GRIN2B: variants seen among roughly 807,000 people sequenced by gnomAD.
GRIN2B encodes glutamate receptor ionotropic, NMDA 2B.
Under a neutral mutation model 114.5 loss-of-function variants are expected in GRIN2B, and 5 were observed. The observed-to-expected ratio is 0.04, with a 90% CI of 0.02 to 0.09. The LOEUF is 0.09. GRIN2B is among the 10% of genes least tolerant of loss of function. The pLI is 1.00. For missense variants in GRIN2B, 1,108 were observed against 1,943.5 expected (o/e 0.57, Z 8.08); for synonymous variants, 787 against 745.1 (o/e 1.06, Z -0.92).
chr12:13,739,374 C>CAA lies in GRIN2B; in HGVS notation c.1010+13941_1010+13942dup, dbSNP rs34320563. The stretch of plus-strand genomic sequence containing the variant: ...GGGCAACAAGAGTGAAACTCCGTCT[C>CAA]AAAAAAAAAAAAAAAAAAAAAAAAA... On this transcript the variant is annotated intron_variant, in intron 4 of 13. Coordinates refer to ENST00000609686, the MANE Select transcript of GRIN2B (RefSeq NM_000834.5). Among the ~76,000 whole-genome samples the CAA allele has an allele frequency of 5.8e-3, 347 of 59,364 alleles. 11 individuals carry two copies. Among genetic ancestry groups the CAA allele is most frequent in the Non-Finnish European group, 7.9e-3 (282 of 35,792 alleles). 38.9% of individuals were successfully genotyped at this position (59,364 alleles called of 152,430 possible).
In GRIN2B at chr12:13,560,066, C is replaced by T. The variant is rs551044815; in HGVS notation, c.*2717G>A. On this transcript the variant is annotated 3_prime_UTR_variant, in exon 14 of 14. Transcript: ENST00000609686. ...TCTACCTAGAAGATAGGAGTCAGAC[C>T]TGGGGTTTGCTTAGAGCCAAATTGA... The T allele has an allele frequency of 5.3e-5, 8 of 152,294 alleles. No homozygotes were observed. The highest frequency in any genetic ancestry group is 1.9e-4 in the African/African-American group (8 of 41,534). The allele number at this position is 152,294 out of a possible 1,614,324, so 9.4% of individuals were successfully genotyped here. A position where few individuals can be genotyped will look rare whatever the true frequency, so the allele number is the denominator to read the frequency against.
At chr12:13,893,645 G>A (rs1016428727) in intron 2 of GRIN2B, among the ~76,000 whole-genome samples, 1 of 152,048 alleles carries the variant, frequency 6.6e-6, no homozygotes, top group Admixed American at 6.6e-5. Context: ...TTATTTAATA[G>A]ATATGTGCCT....
chr12:13,629,322 T>G (rs1273184053), intron 5 of GRIN2B, among the ~76,000 whole-genome samples: 1 of 152,194 alleles, frequency 6.6e-6, no homozygotes, highest in Non-Finnish European at 1.5e-5. Context: ...TCATTGCATC[T>G]CTCACGGAAA....
intron 3 of GRIN2B, among the ~76,000 whole-genome samples, chr12:13,770,909 C>T (rs945627089): frequency 2.0e-5 from 3 of 152,290 alleles, no homozygotes; most frequent in South Asian, 2.1e-4. Flanking sequence ...TTTTACTCCC[C>T]GTATTTCTTC....
At chr12:13,677,911 C>T (rs371676357) in intron 4 of GRIN2B, among the ~76,000 whole-genome samples, 5 of 151,916 alleles carry the variant, frequency 3.3e-5, no homozygotes, top group East Asian at 1.9e-4. Flanking sequence ...CTTTTAGTTC[C>T]GTAATTTTAA....
At chr12:13,729,904 A>G (rs1396547563) in intron 4 of GRIN2B, among the ~76,000 whole-genome samples, 1 of 152,052 alleles carries the variant, frequency 6.6e-6, no homozygotes, top group Non-Finnish European at 1.5e-5. Context: ...AACCGCCCCC[A>G]GAAACAAAAT....
chr12:13,775,955 T>C (rs1739976224), intron 3 of GRIN2B, among the ~76,000 whole-genome samples: 1 of 152,172 alleles, frequency 6.6e-6, no homozygotes, highest in Non-Finnish European at 1.5e-5. Context: ...TAAATCATTC[T>C]ATTATAAAGA....
At position 13,753,968 on chromosome 12, in the gene GRIN2B, A is replaced by T; in HGVS notation, c.412-53T>A. ...AAGAGAGAAAAAAATCAAACCAAAGATGGTAATGGAGATTTTGAACCAAGT... is the reference window on the plus strand; with the variant it reads ...AAGAGAGAAAAAAATCAAACCAAAGTTGGTAATGGAGATTTTGAACCAAGT... On this transcript the variant is annotated intron_variant, in intron 3 of 13. Coordinates refer to ENST00000609686, the MANE Select transcript of GRIN2B (RefSeq NM_000834.5). The surrounding 1 kb of genome is among the most constrained non-coding windows in gnomAD (Gnocchi z 6.2). 1 of 1,165,210 alleles carries T rather than the reference A, an allele frequency of 8.6e-7. No individual in the cohort carries two copies. Among genetic ancestry groups the T allele is most frequent in the East Asian group, 2.4e-5 (1 of 42,066 alleles). The allele number at this position is 1,165,210 out of a possible 1,614,324, so 72.2% of individuals were successfully genotyped here.
intron 5 of GRIN2B, among the ~76,000 whole-genome samples, chr12:13,669,592 G>A (rs1243929192): frequency 1.3e-5 from 2 of 152,046 alleles, no homozygotes; most frequent in Non-Finnish European, 2.9e-5. Flanking sequence ...CTCTGAGGCT[G>A]GGAGGTGGAA....
At chr12:13,948,731 G>A (rs986208288) in intron 2 of GRIN2B, among the ~76,000 whole-genome samples, 2 of 152,110 alleles carry the variant, frequency 1.3e-5, no homozygotes, top group Non-Finnish European at 2.9e-5. Flanking sequence ...GCCAAGGATG[G>A]TGTGTCTTGA....
rs914023570 is a variant in GRIN2B at position 13,549,395 on chromosome 12, T to C, written c.*13388A>G. On this transcript the variant is annotated 3_prime_UTR_variant, in exon 14 of 14. Coordinates refer to ENST00000609686, the MANE Select transcript of GRIN2B (RefSeq NM_000834.5). Reference sequence around the variant, plus strand: ...AGGTTCTTTCTTCAAGAATTCATTGTGTATGTGAACTGCCTTATATTTTTC... The same window carrying C: ...AGGTTCTTTCTTCAAGAATTCATTGCGTATGTGAACTGCCTTATATTTTTC... 6 of 152,200 alleles carry C rather than the reference T, an allele frequency of 3.9e-5. No individual in the cohort carries two copies. Among genetic ancestry groups the C allele is most frequent in the African/African-American group, 1.2e-4 (5 of 41,442 alleles). The allele number at this position is 152,200 out of a possible 1,614,324, so 9.4% of individuals were successfully genotyped here. A position where few individuals can be genotyped will look rare whatever the true frequency, so the allele number is the denominator to read the frequency against.
intron 3 of GRIN2B, among the ~76,000 whole-genome samples, chr12:13,844,056 CTTAATGAAGTG>C (rs1289230919): frequency 6.6e-6 from 1 of 152,208 alleles, no homozygotes; most frequent in African/African-American, 2.4e-5. Context: ...TCTGACAAAG[CTTAATGAAGTG>C]TTAATGAAGG....
At chr12:13,567,310 A>T (rs201840512) in intron 12 of GRIN2B, 47 bp from the exon 13 acceptor site, 5 of 1,370,670 alleles carry the variant, frequency 3.6e-6, no homozygotes, top group Non-Finnish European at 5.2e-6. Context: ...AGGAGACAGG[A>T]AAGGAGCAGA....
rs1394253570 is a variant in GRIN2B, at chr12:13,614,172, A to C, written c.1654+942T>G. Among the ~76,000 whole-genome samples the C allele has an allele frequency of 2.6e-5, 4 of 152,344 alleles. No homozygotes were observed. The East Asian group carries it at 5.8e-4, about 22-fold the overall frequency. ...AGAAGATTAGCTAAGAAATTTGAGT[A>C]ATTTATAGAAAAATTCTATGGAGCC... On this transcript the variant is annotated intron_variant, in intron 8 of 13. Transcript: ENST00000609686.
rs373982031 is a variant in GRIN2B at position 13,780,374 on chromosome 12, G to T, written c.412-26459C>A. 4.6e-5 allele frequency among the ~76,000 whole-genome samples: 7 copies of T among 152,278 alleles called. No individual in the cohort carries two copies. In the East Asian group the frequency reaches 1.2e-3, roughly 25 times the overall value. On this transcript the variant is annotated intron_variant, in intron 3 of 13. Transcript: ENST00000609686. ...AGTATTTCATGAAGGTTCAGCCAGA[G>T]AAACACGTTCATTATAATTTACCCT... is the stretch of plus-strand genomic sequence containing the variant.
chr12:13,773,070 G>A (rs1392610983), intron 3 of GRIN2B, among the ~76,000 whole-genome samples: 1 of 152,184 alleles, frequency 6.6e-6, no homozygotes, highest in Non-Finnish European at 1.5e-5. Flanking sequence ...CCAATGGGGT[G>A]ATGGGTTGGA....
chr12:13,719,733 T>C (rs1950490652), intron 4 of GRIN2B, among the ~76,000 whole-genome samples: 1 of 152,112 alleles, frequency 6.6e-6, no homozygotes, highest in Non-Finnish European at 1.5e-5. Context: ...TATGCTAACT[T>C]GTCCCTTTGG....
At chr12:13,784,711 A>G (rs894172264) in intron 3 of GRIN2B, among the ~76,000 whole-genome samples, 9 of 152,226 alleles carry the variant, frequency 5.9e-5, no homozygotes, top group African/African-American at 2.2e-4. Context: ...TGATAGGAGA[A>G]TAAGTCTGGC....
intron 10 of GRIN2B, 137 bp downstream of exon 10, chr12:13,608,466 C>T: frequency 1.4e-6 from 1 of 708,926 alleles, no homozygotes; most frequent in Middle Eastern, 2.8e-4. Flanking sequence ...CTTCTACTCC[C>T]ATGTTCCAAT....
Sources: gnomAD v4.1 joint callset for allele counts (sites outside exome capture counted in the v4.1 genomes callset) on GRCh38, gnomAD v4.1.1 for gene constraint, Gnocchi (gnomAD v3.1) non-coding constraint, MANE v1.5 for transcripts, NCBI Gene and HGNC (gene_info 2026-07-23, HGNC 2026-07-21) for gene names.